Variants in UBE3A observed in about 807,000 individuals in gnomAD.
The protein encoded by UBE3A is ubiquitin-protein ligase E3A.
A neutral mutation model predicts 83.4 loss-of-function variants in UBE3A; 6 were observed. That is an observed-to-expected ratio of 0.07 (90% CI 0.04 to 0.14). UBE3A has a LOEUF of 0.14. Among genes scored for constraint, UBE3A ranks in the 10% least tolerant of loss-of-function variants. UBE3A has a pLI of 1.00. For synonymous variants in UBE3A, 337 were observed against 355.4 expected (o/e 0.95, Z 0.58); for missense variants, 456 against 1,036.1 (o/e 0.44, Z 7.69).
In UBE3A at chr15:25,370,578, A is replaced by G. The variant is rs748426530; in HGVS notation, c.1596T>C (p.Asp532=). Residue 532 remains aspartate, a synonymous_variant, in exon 6 of 13, where the codon GAT becomes GAC. Coordinates refer to ENST00000648336, the MANE Select transcript of UBE3A (RefSeq NM_130839.5). This position sits in a 1 kb window ranked among gnomAD's most constrained non-coding sequence, Gnocchi z 4.2. ...CAGCCCAACTTACCCGGACAAGTGCATCATCTATGATATGGTCACGTCTAA... is the reference window on the plus strand; with the variant it reads ...CAGCCCAACTTACCCGGACAAGTGCGTCATCTATGATATGGTCACGTCTAA... ...LKVRRDHIID[D]ALVRLEMIAM... is the part of the protein sequence containing the mutation. 33 of 1,614,022 alleles carry G rather than the reference A, an allele frequency of 2.0e-5. 2 individuals carry two copies. The South Asian group carries it at 3.5e-4, about 17-fold the overall frequency.
At chr15:25,374,148 A>G (rs1355976808) in intron 5 of UBE3A, 3 of 152,378 alleles carry the variant, frequency 2.0e-5, no homozygotes, top group South Asian at 2.1e-4. Flanking sequence ...AAACAAAAAA[A>G]CCAGTAACGA....
intron 4 of UBE3A, among the ~76,000 whole-genome samples, chr15:25,380,888 T>C (rs551323751): frequency 2.7e-4 from 41 of 152,356 alleles, no homozygotes; most frequent in African/African-American, 9.9e-4. Context: ...AAAATACTTA[T>C]CCATTTAAAA....
At chr15:25,385,413 TAG>T (rs2082939517) in intron 4 of UBE3A, among the ~76,000 whole-genome samples, 2 of 151,948 alleles carry the variant, frequency 1.3e-5, no homozygotes, top group Admixed American at 1.3e-4. Context: ...CTGAAACCAT[TAG>T]GATGGCCACC....
In UBE3A at chr15:25,334,044, A is replaced by AT. The variant is rs2073846488; in HGVS notation, c.*5092dup. ...CCTTAAAATCAGGAACAAGAAAAAG[A>AT]TGTCTGCTCTTGTCACTTCTATCCA... On this transcript the variant is annotated 3_prime_UTR_variant, in exon 13 of 13. Transcript: ENST00000648336. 6.6e-6 allele frequency: 1 copy of AT among 152,174 alleles called. No homozygotes were observed. The highest frequency in any genetic ancestry group is 1.5e-5 in the Non-Finnish European group (1 of 68,030). The allele number at this position is 152,174 out of a possible 1,614,324, so 9.4% of individuals were successfully genotyped here.
At chr15:25,432,636 T>G (rs1259690327) in intron 1 of UBE3A, among the ~76,000 whole-genome samples, 2 of 152,190 alleles carry the variant, frequency 1.3e-5, no homozygotes, top group Non-Finnish European at 2.9e-5. Context: ...CATGTTTGGT[T>G]TCTATAACTA....
At chr15:25,436,328 G>C (rs1895070741) in intron 1 of UBE3A, among the ~76,000 whole-genome samples, 1 of 152,026 alleles carries the variant, frequency 6.6e-6, no homozygotes, top group Admixed American at 6.6e-5. Flanking sequence ...ATAATGTAAT[G>C]TTTCTACATT....
At chr15:25,391,853 A>G (rs1305173858) in intron 4 of UBE3A, 3 of 152,304 alleles carry the variant, frequency 2.0e-5, no homozygotes, top group Non-Finnish European at 4.4e-5. Context: ...GCCTGTAGAC[A>G]TGGGAAGCAG....
intron 4 of UBE3A, among the ~76,000 whole-genome samples, chr15:25,387,948 T>TA (rs1198469009): frequency 6.6e-6 from 1 of 152,154 alleles, no homozygotes; most frequent in Non-Finnish European, 1.5e-5. Flanking sequence ...AAGCATATAT[T>TA]AAAGAAATTA....
At chr15:25,394,023 T>C (rs548987174) in intron 4 of UBE3A, among the ~76,000 whole-genome samples, 1 of 152,344 alleles carries the variant, frequency 6.6e-6, no homozygotes, top group African/African-American at 2.4e-5. Context: ...GGTGTTATTC[T>C]TCCTGCCTAG....
chr15:25,361,332 G>A (rs1323748419), intron 6 of UBE3A, among the ~76,000 whole-genome samples: 1 of 152,008 alleles, frequency 6.6e-6, no homozygotes, highest in Non-Finnish European at 1.5e-5. Flanking sequence ...CACTACGTTT[G>A]CCAGGATGGT....
At chr15:25,414,177 G>A (rs929837579) in intron 1 of UBE3A, among the ~76,000 whole-genome samples, 53 of 152,092 alleles carry the variant, frequency 3.5e-4, no homozygotes, top group Non-Finnish European at 2.1e-4. Context: ...TTTTCCCAAA[G>A]AACTCACTCT....
chr15:25,353,365 C>G (rs1263328237), intron 11 of UBE3A, among the ~76,000 whole-genome samples: 1 of 152,148 alleles, frequency 6.6e-6, no homozygotes, highest in Non-Finnish European at 1.5e-5. Flanking sequence ...GTATATGTGA[C>G]AGGGATTGGT....
At chr15:25,394,935 T>C (rs1034806584) in intron 4 of UBE3A, among the ~76,000 whole-genome samples, 4 of 152,212 alleles carry the variant, frequency 2.6e-5, no homozygotes, top group African/African-American at 9.6e-5. Context: ...GAAATCAATA[T>C]GCAAGAAGTC....
intron 6 of UBE3A, among the ~76,000 whole-genome samples, chr15:25,366,292 T>G (rs2079092263): frequency 6.6e-6 from 1 of 152,192 alleles, no homozygotes; most frequent in South Asian, 2.1e-4. Context: ...CAGCACAGAA[T>G]AATCTCATTT....
intron 11 of UBE3A, among the ~76,000 whole-genome samples, chr15:25,352,256 A>G (rs2076615104): frequency 6.6e-6 from 1 of 152,240 alleles, no homozygotes; most frequent in Non-Finnish European, 1.5e-5. Flanking sequence ...TGATGCTGGC[A>G]ACTTTTAGTT....
chr15:25,358,243 G>A (rs2077519314), intron 7 of UBE3A, among the ~76,000 whole-genome samples: 2 of 151,978 alleles, frequency 1.3e-5, no homozygotes, highest in South Asian at 4.2e-4. Flanking sequence ...GTGGTAGCAT[G>A]TGCCTATAGT....
intron 9 of UBE3A, 103 bp downstream of exon 9, chr15:25,355,789 T>G (rs2077140290): frequency 1.7e-6 from 2 of 1,163,598 alleles, no homozygotes; most frequent in South Asian, 2.9e-5. Context: ...TACTTGTTTT[T>G]TTTTTGTACA....
At chr15:25,359,437 G>GTGTA (rs1393794786) in intron 7 of UBE3A, among the ~76,000 whole-genome samples, 1 of 150,348 alleles carries the variant, frequency 6.7e-6, no homozygotes, top group Non-Finnish European at 1.5e-5. Context: ...GTGTGTGTGT[G>GTGTA]TGTGTGTGTG....
At chr15:25,355,551 T>C (rs910897400) in intron 9 of UBE3A, among the ~76,000 whole-genome samples, 1 of 152,176 alleles carries the variant, frequency 6.6e-6, no homozygotes, top group South Asian at 2.1e-4. Flanking sequence ...TAAATGTAAT[T>C]TTTATTTGTT....
Sources: gnomAD v4.1 joint callset for allele counts (sites outside exome capture counted in the v4.1 genomes callset) on GRCh38, gnomAD v4.1.1 for gene constraint, Gnocchi (gnomAD v3.1) non-coding constraint, MANE v1.5 for transcripts, NCBI Gene and HGNC (gene_info 2026-07-23, HGNC 2026-07-21) for gene names.